CDH23: variants seen among roughly 807,000 people sequenced by gnomAD.
The protein encoded by CDH23 is cadherin-23.
Under a neutral mutation model 317.1 loss-of-function variants are expected in CDH23, and 189 were observed. The ratio of observed to expected loss-of-function variants is 0.60; its 90% confidence interval spans 0.53 to 0.67. The LOEUF (loss-of-function observed/expected upper bound fraction) is 0.67, where lower values mean the gene tolerates loss of function less well. Among genes scored for constraint, CDH23 ranks in the 30% least tolerant of loss-of-function variants. The pLI, the probability that CDH23 is intolerant of heterozygous loss-of-function variation, is 0.00. For synonymous variants in CDH23, 1,839 were observed against 1,876.8 expected, an observed-to-expected ratio of 0.98 and a Z score of 0.52; for missense variants, 4,401 against 4,592.4, an observed-to-expected ratio of 0.96 and a Z score of 1.20.
At chr10:71,583,301 C>A (rs954159999) in intron 9 of CDH23, among the ~76,000 whole-genome samples, 2 of 151,870 alleles carry the variant, frequency 1.3e-5, no homozygotes, top group Non-Finnish European at 2.9e-5. Context: ...GCGGGCCATG[C>A]AGCATGTGGA....
intron 2 of CDH23, among the ~76,000 whole-genome samples, chr10:71,444,642 AGGTG>A (rs1400940012): frequency 6.6e-6 from 1 of 152,214 alleles, no homozygotes; most frequent in East Asian, 1.9e-4. Context: ...GAGCACATCG[AGGTG>A]GGGAGGAGGA....
rs3833469 is a variant in CDH23, at chr10:71,760,860, TC to T, written c.4846-16817del. 2.4e-4 allele frequency: 390 copies of T among 1,612,116 alleles called. 2 individuals carry two copies. In the East Asian group the frequency reaches 8.6e-3, roughly 36 times the overall value. ...GAACCCAAAAGGGGCAAGAGGTTGG[TC>T]CCTTACTTTCACTATCCTGGGAGGA... On this transcript the variant is annotated intron_variant, in intron 38 of 69. Coordinates refer to ENST00000224721, the MANE Select transcript of CDH23 (RefSeq NM_022124.6).
intron 8 of CDH23, among the ~76,000 whole-genome samples, chr10:71,571,498 C>T (rs1466005706): frequency 8.5e-5 from 13 of 152,342 alleles, no homozygotes; most frequent in Non-Finnish European, 2.9e-5. Context: ...TCATAGGTCA[C>T]CAGCCTGTAG....
chr10:71,513,491 G>T (rs1181561463), intron 6 of CDH23, among the ~76,000 whole-genome samples: 3 of 152,210 alleles, frequency 2.0e-5, no homozygotes, highest in Admixed American at 6.5e-5. Flanking sequence ...AAAGGGCCCT[G>T]CAAATGTGAA....
intron 30 of CDH23, among the ~76,000 whole-genome samples, chr10:71,728,258 A>G (rs1321541336): frequency 6.6e-6 from 1 of 150,832 alleles, no homozygotes; most frequent in African/African-American, 2.4e-5. Flanking sequence ...TTTAGGTTCC[A>G]GCCTGTGAAC....
chr10:71,510,319 T>A, intron 4 of CDH23, 95 bp downstream of exon 4: 2 of 1,384,786 alleles, frequency 1.4e-6, no homozygotes, highest in Non-Finnish European at 2.0e-6. Context: ...CGTCTTCCTC[T>A]AAGACCCCAT....
intron 19 of CDH23, among the ~76,000 whole-genome samples, chr10:71,688,917 G>A (rs1178537138): frequency 1.1e-4 from 12 of 112,806 alleles, no homozygotes; most frequent in South Asian, 2.9e-4. Flanking sequence ...GGAGCCAGGG[G>A]TGGTGGAGCC....
chr10:71,773,455 G>A lies in CDH23; in HGVS notation c.4846-4225G>A, dbSNP rs745442665. The A allele has an allele frequency of 2.5e-6, 4 of 1,581,488 alleles. No individual in the cohort carries two copies. The East Asian group carries it at 6.9e-5, about 27-fold the overall frequency. ...GGACGCCCATGTCGCCGTCGGACGC[G>A]CAGAGGAACTTCTGGTGCCGGGGAG... On this transcript the variant is annotated intron_variant, in intron 38 of 69. Coordinates refer to ENST00000224721, the MANE Select transcript of CDH23 (RefSeq NM_022124.6).
chr10:71,664,928 A>G (rs1338981931), intron 14 of CDH23, among the ~76,000 whole-genome samples: 1 of 148,776 alleles, frequency 6.7e-6, no homozygotes, highest in African/African-American at 2.5e-5. Flanking sequence ...AGCCCCCATC[A>G]TCATCTTTCT....
intron 9 of CDH23, among the ~76,000 whole-genome samples, chr10:71,582,613 C>A (rs908429748): frequency 2.0e-5 from 3 of 152,160 alleles, no homozygotes; most frequent in Non-Finnish European, 2.9e-5. Flanking sequence ...CATCCGTTTT[C>A]CAATCTGTAA....
intron 11 of CDH23, among the ~76,000 whole-genome samples, chr10:71,623,456 A>G (rs1423622904): frequency 6.6e-6 from 1 of 152,242 alleles, no homozygotes; most frequent in Admixed American, 6.5e-5. Context: ...CATCGGGGGC[A>G]GGCAGGGCTT....
Position 71,675,135 on chromosome 10 carries a change from C to T in CDH23, c.1473C>T (p.Thr491=), listed in dbSNP as rs776939202. The change falls in exon 15 of 70, where the codon ACC becomes ACT. Residue 491 remains threonine (T), a synonymous_variant. Transcript: ENST00000224721. The part of the protein sequence containing the change: ...TVLATDNDAG[T]FGEVSYFFSD... ...AGGCAACTGACAATGATGCAGGCAC[C>T]TTTGGGGAAGTCAGCTACTTCTTCA... The T allele has an allele frequency of 6.2e-7, 1 of 1,614,020 alleles. No homozygotes were observed. The highest frequency in any genetic ancestry group is 8.5e-7 in the Non-Finnish European group (1 of 1,179,880).
In CDH23 at chr10:71,812,022, G is replaced by T. The variant is rs762396186; in HGVS notation, c.9380+7G>T. On this transcript the variant is annotated splice_region_variant and intron_variant, in intron 66 of 69. Transcript: ENST00000224721. ...ACAAGTACTCCTTTGATGGGTGAGT[G>T]GGGTACTGGCCCTGCCCGGTCCCCT... The T allele has an allele frequency of 6.2e-7, 1 of 1,613,854 alleles. No individual in the cohort carries two copies. Among genetic ancestry groups the T allele is most frequent in the Non-Finnish European group, 8.5e-7 (1 of 1,179,878 alleles).
chr10:71,654,565 G>A (rs1408836215), intron 14 of CDH23, among the ~76,000 whole-genome samples: 1 of 152,228 alleles, frequency 6.6e-6, no homozygotes, highest in African/African-American at 2.4e-5. Context: ...GTGCGGTAGG[G>A]AGGCCTTCTC....
intron 48 of CDH23, among the ~76,000 whole-genome samples, chr10:71,795,356 G>T (rs924598295): frequency 1.3e-5 from 2 of 152,092 alleles, no homozygotes; most frequent in African/African-American, 4.8e-5. Context: ...GGAGAAGTTA[G>T]ATAGAACCAG....
chr10:71,566,286 G>A (rs1286703498), intron 6 of CDH23, among the ~76,000 whole-genome samples: 2 of 152,092 alleles, frequency 1.3e-5, no homozygotes, highest in African/African-American at 4.8e-5. Flanking sequence ...TTGTTCTCCG[G>A]AGGCCCTTTC....
intron 14 of CDH23, among the ~76,000 whole-genome samples, chr10:71,670,157 A>G (rs1864084761): frequency 6.6e-6 from 1 of 152,190 alleles, no homozygotes; most frequent in Admixed American, 6.5e-5. Flanking sequence ...GAGCCTCGGC[A>G]GGGGCCAGGG....
rs575368626 is a variant in CDH23 at position 71,440,951 on chromosome 10, G to A, written c.67+1053G>A. Among the ~76,000 whole-genome samples, 15 of 152,240 alleles carry A rather than the reference G, an allele frequency of 9.9e-5. No homozygotes were observed. The South Asian group carries it at 2.7e-3, about 27-fold the overall frequency. Reference sequence around the variant, plus strand: ...TCGTGCTTGTTGGAGTGTTGCTAGCGTCCTGCAGCCTGAGTATCCCTCGAG... The same window carrying A: ...TCGTGCTTGTTGGAGTGTTGCTAGCATCCTGCAGCCTGAGTATCCCTCGAG... On this transcript the variant is annotated intron_variant, in intron 2 of 69. Coordinates refer to ENST00000224721, the MANE Select transcript of CDH23 (RefSeq NM_022124.6).
intron 9 of CDH23, among the ~76,000 whole-genome samples, chr10:71,588,290 A>G (rs932756260): frequency 5.9e-5 from 9 of 152,174 alleles, no homozygotes; most frequent in Admixed American, 1.3e-4. Flanking sequence ...CTGGGGAGAG[A>G]GAGCAGGCAA....
Sources: allele counts gnomAD v4.1 joint callset (sites outside exome capture counted in the v4.1 genomes callset), GRCh38; gene constraint gnomAD v4.1.1; transcripts MANE v1.5; gene names NCBI Gene and HGNC (gene_info 2026-07-23, HGNC 2026-07-21).